The following ARHGEF7 variants were observed in gnomAD, a reference collection of about 807,000 sequenced individuals.
ARHGEF7 encodes Rho guanine nucleotide exchange factor 7, also known as PAK-interacting exchange factor beta.
ARHGEF7 carries 33 observed loss-of-function variants against 109.8 expected under a neutral mutation model. The ratio of observed to expected loss-of-function variants is 0.30; its 90% CI spans 0.23 to 0.40. The LOEUF (loss-of-function observed/expected upper bound fraction) is 0.40. ARHGEF7 is among the 10% of genes least tolerant of loss of function. ARHGEF7 has a pLI of 1.00. For synonymous variants in ARHGEF7, 458 were observed against 424.6 expected (o/e 1.08, Z -0.97); for missense variants, 938 against 1,098.5 (o/e 0.85, Z 2.07).
chr13:111,231,371 G>A (rs2153523399), intron 5 of ARHGEF7, among the ~76,000 whole-genome samples: 1 of 152,260 alleles, frequency 6.6e-6, no homozygotes, highest in Admixed American at 6.5e-5. Flanking sequence ...GTGGAGTTTT[G>A]TTTTCCATCC....
At chr13:111,289,368 G>A (rs923528815) in intron 18 of ARHGEF7, among the ~76,000 whole-genome samples, 20 of 152,128 alleles carry the variant, frequency 1.3e-4, no homozygotes, top group African/African-American at 4.1e-4. Flanking sequence ...TTTTTCCTCC[G>A]GTGTTGCCAG....
intron 1 of ARHGEF7, among the ~76,000 whole-genome samples, chr13:111,122,367 G>C (rs140018330): frequency 3.3e-5 from 5 of 152,344 alleles, no homozygotes; most frequent in African/African-American, 9.6e-5. Context: ...GGGCCGCCCC[G>C]GTCCGACTGC....
At chr13:111,246,649 C>T (rs1302031372) in intron 8 of ARHGEF7, among the ~76,000 whole-genome samples, 1 of 152,138 alleles carries the variant, frequency 6.6e-6, no homozygotes, top group African/African-American at 2.4e-5. Flanking sequence ...TTTTGGTTTG[C>T]ATAAAGTGGC....
intron 1 of ARHGEF7, chr13:111,116,531 T>A (rs576757911): frequency 8.5e-6 from 1 of 117,880 alleles, no homozygotes; most frequent in African/African-American, 3.3e-5. Flanking sequence ...CTCAAAATAC[T>A]AAAATCTTAT....
rs77648856 is a variant in ARHGEF7 at position 111,169,430 on chromosome 13, C to T, written c.252+15439C>T. ...GGGAAGCAGGCTCGTCTTAACTGGC[C>T]GGAGCAGGAGCAAGGGAGTGGGGAG... On this transcript the variant is annotated intron_variant, in intron 2 of 21. Coordinates refer to ENST00000646102, the MANE Select transcript of ARHGEF7 (RefSeq NM_001354046.2). Among the ~76,000 whole-genome samples, 18 of 152,172 alleles carry T rather than the reference C, an allele frequency of 1.2e-4. No homozygotes were observed. In the East Asian group the frequency reaches 3.3e-3, roughly 28 times the overall value.
Position 111,292,410 on chromosome 13 carries a change from G to T in ARHGEF7, c.2311+116G>T. The stretch of plus-strand genomic sequence containing the variant: ...CTTAGATGTTTTCTTGCTGTTCCTT[G>T]TCTCTTTTATGTGATATTTTAACAA... On this transcript the variant is annotated intron_variant, in intron 19 of 21. Transcript: ENST00000646102. The T allele has an allele frequency of 6.6e-6, 10 of 1,523,156 alleles. No individual in the cohort carries two copies. In the South Asian group the frequency reaches 1.3e-4, roughly 20 times the overall value. The allele number at this position is 1,523,156 out of a possible 1,614,324, so 94.4% of individuals were successfully genotyped here.
At position 111,263,385 on chromosome 13, in the gene ARHGEF7, G is replaced by A. The variant is rs537123539; in HGVS notation, c.951-4163G>A. ...CGTACCGTGAATTGTTCGTTTATAA[G>A]CTATGCTGAAATATGACTTAATTTT... On this transcript the variant is annotated intron_variant, in intron 8 of 21. Coordinates refer to ENST00000646102, the MANE Select transcript of ARHGEF7 (RefSeq NM_001354046.2). Among the ~76,000 whole-genome samples, 8 of 152,186 alleles carry A rather than the reference G, an allele frequency of 5.3e-5. No homozygotes were observed. The South Asian group carries it at 1.4e-3, about 28-fold the overall frequency.
intron 2 of ARHGEF7, among the ~76,000 whole-genome samples, chr13:111,191,120 A>G (rs1425810721): frequency 2.6e-5 from 4 of 152,120 alleles, no homozygotes; most frequent in Admixed American, 1.3e-4. Flanking sequence ...TATGTTTGCC[A>G]TTACAAAACC....
rs762081813 is a variant in ARHGEF7, at chr13:111,210,015, G to A, written c.468+13G>A. The A allele has an allele frequency of 6.2e-7, 1 of 1,614,158 alleles. No individual in the cohort carries two copies. The highest frequency in any genetic ancestry group is 2.2e-5 in the East Asian group (1 of 44,878). On this transcript the variant is annotated intron_variant, in intron 4 of 21. Coordinates refer to ENST00000646102, the MANE Select transcript of ARHGEF7 (RefSeq NM_001354046.2). ...GTATCGGAGTTTGGTAAGTTTGAGA[G>A]ATTTTGTTACTTAAATATGTTTGGG...
At chr13:111,296,085 C>T (rs2093421237) in intron 19 of ARHGEF7, among the ~76,000 whole-genome samples, 1 of 152,212 alleles carries the variant, frequency 6.6e-6, no homozygotes, top group African/African-American at 2.4e-5. Context: ...TGGTGTCTAA[C>T]AGCCAAGCGT....
intron 18 of ARHGEF7, among the ~76,000 whole-genome samples, chr13:111,288,779 A>T (rs1014042252): frequency 6.6e-6 from 1 of 152,228 alleles, no homozygotes; most frequent in Admixed American, 6.5e-5. Context: ...TAGTTCAGTT[A>T]TTTCAGCTAT....
intron 15 of ARHGEF7, chr13:111,281,181 C>CTTTTTTTGTTTTTTTTTT (rs2092756897): frequency 1.7e-5 from 1 of 59,422 alleles, no homozygotes; most frequent in Non-Finnish European, 3.1e-5. Context: ...TATTTAGAGA[C>CTTTTTTTGTTTTTTTTTT]TTTTTTTTTT....
At chr13:111,223,328 G>A (rs2084728301) in intron 5 of ARHGEF7, among the ~76,000 whole-genome samples, 1 of 152,184 alleles carries the variant, frequency 6.6e-6, no homozygotes, top group South Asian at 2.1e-4. Flanking sequence ...TCCAAACTTA[G>A]AGACTTCTCT....
At chr13:111,167,526 C>T (rs2077224459) in intron 2 of ARHGEF7, among the ~76,000 whole-genome samples, 1 of 152,156 alleles carries the variant, frequency 6.6e-6, no homozygotes, top group Admixed American at 6.5e-5. Flanking sequence ...CTTTGTATCA[C>T]TCCTATCCCC....
intron 6 of ARHGEF7, among the ~76,000 whole-genome samples, chr13:111,238,129 A>C (rs144540786): frequency 6.6e-5 from 10 of 152,276 alleles, no homozygotes; most frequent in Admixed American, 1.3e-4. Flanking sequence ...CTATTTTCTC[A>C]TGTACGTACT....
chr13:111,148,458 A>G (rs1223100112), intron 1 of ARHGEF7, among the ~76,000 whole-genome samples: 1 of 152,224 alleles, frequency 6.6e-6, no homozygotes, highest in Non-Finnish European at 1.5e-5. Context: ...ATGTACAGAA[A>G]TATTTTTCAA....
chr13:111,246,161 C>T (rs1435264983), intron 8 of ARHGEF7, among the ~76,000 whole-genome samples: 2 of 152,204 alleles, frequency 1.3e-5, no homozygotes, highest in Non-Finnish European at 2.9e-5. Context: ...TGACTTAGAA[C>T]AGTAGTGCAC....
chr13:111,172,130 G>A (rs2077656959), intron 2 of ARHGEF7, among the ~76,000 whole-genome samples: 1 of 152,192 alleles, frequency 6.6e-6, no homozygotes, highest in Non-Finnish European at 1.5e-5. Flanking sequence ...TTGACGAGGG[G>A]CTGGTACTCT....
chr13:111,252,909 G>A (rs1466070157), intron 8 of ARHGEF7, among the ~76,000 whole-genome samples: 1 of 152,246 alleles, frequency 6.6e-6, no homozygotes, highest in Non-Finnish European at 1.5e-5. Context: ...ACCTCTTTCA[G>A]TTGGCAGTGC....
Sources: gnomAD v4.1 joint callset for allele counts (sites outside exome capture counted in the v4.1 genomes callset) on GRCh38, gnomAD v4.1.1 for gene constraint, MANE v1.5 for transcripts, NCBI Gene and HGNC (gene_info 2026-07-23, HGNC 2026-07-21) for gene names.